Variants in STK39 observed in about 807,000 individuals in gnomAD.
The protein encoded by STK39 is STE20/SPS1-related proline-alanine-rich protein kinase.
In STK39, 20 loss-of-function variants were observed where a neutral mutation model predicts 77.8. The ratio of observed to expected loss-of-function variants is 0.26; its 90% CI spans 0.18 to 0.37. The LOEUF (loss-of-function observed/expected upper bound fraction) is 0.37. STK39 is among the 10% of genes least tolerant of loss of function. STK39 has a pLI of 1.00. For missense variants in STK39, 479 were observed against 656.5 expected (o/e 0.73, Z 2.95); for synonymous variants, 246 against 234.1 (o/e 1.05, Z -0.47).
intron 14 of STK39, among the ~76,000 whole-genome samples, chr2:168,042,496 A>G (rs1338903923): frequency 1.3e-5 from 2 of 151,976 alleles, no homozygotes; most frequent in Admixed American, 1.3e-4. Flanking sequence ...GTTCAAAGGT[A>G]GGGGTTACAA....
intron 10 of STK39, among the ~76,000 whole-genome samples, chr2:168,108,374 C>T (rs1226008773): frequency 1.3e-5 from 2 of 151,888 alleles, no homozygotes; most frequent in African/African-American, 2.4e-5. Flanking sequence ...ATGGCGAAAC[C>T]CTGTTTCTAC....
At chr2:168,045,245 A>G (rs1685208437) in intron 14 of STK39, among the ~76,000 whole-genome samples, 1 of 152,038 alleles carries the variant, frequency 6.6e-6, no homozygotes, top group South Asian at 2.1e-4. Context: ...CATTCCTCCC[A>G]CACCCTGGGT....
At chr2:168,145,197 G>A (rs1353135089) in intron 5 of STK39, among the ~76,000 whole-genome samples, 2 of 152,130 alleles carry the variant, frequency 1.3e-5, no homozygotes, top group Non-Finnish European at 2.9e-5. Flanking sequence ...CATGAGCAAA[G>A]CACAAGTGTG....
chr2:168,110,847 TATCA>T (rs1353722072), intron 10 of STK39, among the ~76,000 whole-genome samples: 1 of 152,236 alleles, frequency 6.6e-6, no homozygotes, highest in African/African-American at 2.4e-5. Flanking sequence ...GCATTGACTC[TATCA>T]ATCAATTTGG....
At chr2:168,105,133 G>T (rs569034998) in intron 10 of STK39, among the ~76,000 whole-genome samples, 1 of 152,330 alleles carries the variant, frequency 6.6e-6, no homozygotes, top group Non-Finnish European at 1.5e-5. Flanking sequence ...TCAAAAAGGT[G>T]ATCCTGACAG....
At chr2:168,058,669 T>C (rs555408387) in intron 14 of STK39, among the ~76,000 whole-genome samples, 6 of 152,214 alleles carry the variant, frequency 3.9e-5, no homozygotes, top group Non-Finnish European at 7.3e-5. Context: ...CATTCCTCCA[T>C]ACTTTCAGGC....
At chr2:168,051,293 G>A (rs748284475) in intron 14 of STK39, among the ~76,000 whole-genome samples, 2 of 152,200 alleles carry the variant, frequency 1.3e-5, no homozygotes, top group Non-Finnish European at 2.9e-5. Context: ...GACAGGCTCT[G>A]CACAGCGACA....
intron 10 of STK39, among the ~76,000 whole-genome samples, chr2:168,103,401 C>T (rs970538673): frequency 9.2e-5 from 14 of 152,110 alleles, no homozygotes; most frequent in Non-Finnish European, 1.5e-4. Context: ...TCAAAATAGC[C>T]CACAGCTGCG....
intron 1 of STK39, among the ~76,000 whole-genome samples, chr2:168,215,455 C>T (rs1448469795): frequency 1.3e-5 from 2 of 152,176 alleles, no homozygotes; most frequent in African/African-American, 2.4e-5. Context: ...ATACACAGGG[C>T]GTTAGCAATA....
At chr2:167,998,398 A>G (rs757267266) in intron 16 of STK39, among the ~76,000 whole-genome samples, 93 of 152,242 alleles carry the variant, frequency 6.1e-4, no homozygotes, top group Middle Eastern at 3.2e-3. Flanking sequence ...GCTTTAGCCC[A>G]ATGAACATGA....
At chr2:168,243,450 G>A (rs548097830) in intron 1 of STK39, among the ~76,000 whole-genome samples, 7 of 152,140 alleles carry the variant, frequency 4.6e-5, no homozygotes, top group Admixed American at 4.6e-4. Context: ...CAAATTCTTC[G>A]TGTTGACTAA....
At position 168,175,448 on chromosome 2, in the gene STK39, A is replaced by C. The variant is rs1490230572; in HGVS notation, c.321+6530T>G. On this transcript the variant is annotated intron_variant, in intron 2 of 17. Transcript: ENST00000355999. ...GAAAAAAAAGCATGAGAGGTTAGAC[A>C]TTTTAATGAGCTATTTCTAACAAAT... Among the ~76,000 whole-genome samples the C allele has an allele frequency of 2.0e-4, 31 of 152,234 alleles. 1 individual carries two copies. Among genetic ancestry groups the C allele is most frequent in the Admixed American group, 2.0e-3 (31 of 15,278 alleles).
At chr2:168,089,511 T>C (rs894447455) in intron 10 of STK39, among the ~76,000 whole-genome samples, 3 of 152,220 alleles carry the variant, frequency 2.0e-5, no homozygotes, top group Non-Finnish European at 4.4e-5. Flanking sequence ...ATGAAAAATA[T>C]TTCTAAAACC....
chr2:167,957,684 T>C (rs1030645808), intron 17 of STK39, among the ~76,000 whole-genome samples: 9 of 152,322 alleles, frequency 5.9e-5, no homozygotes, highest in African/African-American at 1.4e-4. Flanking sequence ...AGTACACCAA[T>C]GTACTTCAAA....
chr2:167,977,033 T>C (rs1033102138), intron 16 of STK39, among the ~76,000 whole-genome samples: 2 of 152,158 alleles, frequency 1.3e-5, no homozygotes, highest in African/African-American at 2.4e-5. Context: ...TATTTACATA[T>C]AGAAGGGATG....
At chr2:168,173,451 G>A (rs1240208800) in intron 2 of STK39, among the ~76,000 whole-genome samples, 5 of 152,048 alleles carry the variant, frequency 3.3e-5, no homozygotes, top group Non-Finnish European at 2.9e-5. Context: ...GTCAACCAAG[G>A]CATGGAAGAA....
chr2:167,967,712 T>A (rs1223502700), intron 16 of STK39, among the ~76,000 whole-genome samples: 2 of 152,220 alleles, frequency 1.3e-5, no homozygotes, highest in Non-Finnish European at 2.9e-5. Flanking sequence ...CGACACTTTT[T>A]TGGCAAACTA....
intron 13 of STK39, among the ~76,000 whole-genome samples, chr2:168,064,285 C>A (rs146185547): frequency 6.6e-6 from 1 of 152,126 alleles, no homozygotes; most frequent in Non-Finnish European, 1.5e-5. Context: ...TCCCTGTTCC[C>A]GTTTCCTTTA....
intron 1 of STK39, among the ~76,000 whole-genome samples, chr2:168,188,980 C>CTTGG (rs1376904021): frequency 6.6e-6 from 1 of 152,204 alleles, no homozygotes; most frequent in Non-Finnish European, 1.5e-5. Context: ...CCTAAGTGAC[C>CTTGG]TGGCTTGTGT....
Sources: gnomAD v4.1 joint callset for allele counts (sites outside exome capture counted in the v4.1 genomes callset) on GRCh38, gnomAD v4.1.1 for gene constraint, MANE v1.5 for transcripts, NCBI Gene and HGNC (gene_info 2026-07-23, HGNC 2026-07-21) for gene names.